RARB: variants seen among roughly 807,000 people sequenced by gnomAD.
RARB encodes the protein retinoic acid receptor beta.
In RARB, 17 loss-of-function variants were observed where a neutral mutation model predicts 51.9. The ratio of observed to expected loss-of-function variants is 0.33; its 90% CI spans 0.22 to 0.49. The LOEUF (loss-of-function observed/expected upper bound fraction) is 0.49, where lower values mean the gene tolerates loss of function less well. Among genes scored for constraint, RARB ranks in the 20% least tolerant of loss-of-function variants. RARB has a pLI of 0.99. For missense variants in RARB, 369 were observed against 550.8 expected (o/e 0.67, Z 3.30); for synonymous variants, 215 against 195.4 (o/e 1.10, Z -0.84).
At chr3:25,585,789 G>C (rs1418728835) in intron 5 of RARB, among the ~76,000 whole-genome samples, 6 of 152,164 alleles carry the variant, frequency 3.9e-5, no homozygotes, top group Non-Finnish European at 5.9e-5. Context: ...GGGACTGATT[G>C]TATTTGTCAA....
At chr3:25,432,224 T>C (rs1708238986) in intron 1 of RARB, among the ~76,000 whole-genome samples, 1 of 152,146 alleles carries the variant, frequency 6.6e-6, no homozygotes, top group Non-Finnish European at 1.5e-5. Flanking sequence ...AGAAATCATA[T>C]TGTGAATATT....
chr3:25,448,754 A>G (rs1480479485), intron 1 of RARB, among the ~76,000 whole-genome samples: 1 of 152,216 alleles, frequency 6.6e-6, no homozygotes, highest in African/African-American at 2.4e-5. Context: ...GGCGTGAGCC[A>G]CCGTGCCCGG....
rs11417502 is a variant in RARB at position 24,879,484 on chromosome 3, ATTTTTT to A, written c.-380+20746_-380+20751del. ...TTGAGTTCCAGCAGAAAGGATCTCCATTTTTTTTTTTTTTTTTTTCTTAACCTGGGA... is the reference window on the plus strand; with the variant it reads ...TTGAGTTCCAGCAGAAAGGATCTCCATTTTTTTTTTTTTCTTAACCTGGGA... On this transcript the variant is annotated intron_variant, in intron 2 of 11. Transcript: ENST00000383772. Among the ~76,000 whole-genome samples the A allele has an allele frequency of 1.6e-4, 19 of 121,456 alleles. No homozygotes were observed. In the South Asian group the frequency reaches 2.7e-3, roughly 17 times the overall value. The allele number at this position is 121,456 out of a possible 152,430, so 79.7% of individuals were successfully genotyped here.
chr3:25,107,200 C>T (rs1699523284), intron 3 of RARB, among the ~76,000 whole-genome samples: 1 of 152,114 alleles, frequency 6.6e-6, no homozygotes, highest in South Asian at 2.1e-4. Flanking sequence ...TGCACCCAGC[C>T]CCTTCTGCCT....
intron 2 of RARB, among the ~76,000 whole-genome samples, chr3:24,867,279 A>G (rs541615186): frequency 6.6e-6 from 1 of 152,232 alleles, no homozygotes; most frequent in African/African-American, 2.4e-5. Context: ...ACTATAAACT[A>G]AATATCTCCC....
intron 5 of RARB, among the ~76,000 whole-genome samples, chr3:25,335,493 C>G (rs1008516613): frequency 1.3e-5 from 2 of 152,204 alleles, no homozygotes; most frequent in African/African-American, 4.8e-5. Flanking sequence ...GCTTCTGTCT[C>G]CTGCCTTGTG....
intron 2 of RARB, among the ~76,000 whole-genome samples, chr3:24,863,910 C>T (rs1322552465): frequency 6.6e-6 from 1 of 151,984 alleles, no homozygotes; most frequent in African/African-American, 2.4e-5. Context: ...TGGAGGCATA[C>T]CTTCTCCTGT....
intron 3 of RARB, among the ~76,000 whole-genome samples, chr3:25,110,466 T>A (rs1699583367): frequency 1.3e-5 from 2 of 152,206 alleles, no homozygotes; most frequent in Admixed American, 6.5e-5. Context: ...TTAATTACTT[T>A]TTCCTGCATT....
chr3:24,910,254 A>C (rs1694963784), intron 2 of RARB, among the ~76,000 whole-genome samples: 1 of 152,282 alleles, frequency 6.6e-6, no homozygotes, highest in Middle Eastern at 3.4e-3. Context: ...TGGCAAAAAA[A>C]CGTTGAATTG....
chr3:25,238,136 C>T (rs895773050), intron 5 of RARB, among the ~76,000 whole-genome samples: 1 of 150,428 alleles, frequency 6.6e-6, no homozygotes, highest in African/African-American at 2.4e-5. Context: ...ACCAACCTGT[C>T]TTCATCCTCC....
chr3:25,196,878 G>T (rs897301872), intron 5 of RARB, among the ~76,000 whole-genome samples: 3 of 152,116 alleles, frequency 2.0e-5, no homozygotes, highest in African/African-American at 4.8e-5. Context: ...CTTTTGAGAA[G>T]TGTTGGTTCA....
At chr3:25,575,834 C>G (rs1559475267) in intron 4 of RARB, among the ~76,000 whole-genome samples, 1 of 152,162 alleles carries the variant, frequency 6.6e-6, no homozygotes, top group Non-Finnish European at 1.5e-5. Flanking sequence ...TTTTGAGGAA[C>G]ACAGTTTAAC....
chr3:24,871,781 T>C (rs777951585), intron 2 of RARB, among the ~76,000 whole-genome samples: 2 of 152,226 alleles, frequency 1.3e-5, no homozygotes, highest in Non-Finnish European at 2.9e-5. Flanking sequence ...TCTCAGTTTC[T>C]GTTATTGGTG....
chr3:24,833,439 A>G (rs1702306363), intron 1 of RARB, among the ~76,000 whole-genome samples: 1 of 152,110 alleles, frequency 6.6e-6, no homozygotes, highest in Admixed American at 6.5e-5. Flanking sequence ...TTTAGGTAAT[A>G]TCTTTCATTC....
chr3:25,128,264 G>A (rs1423744721), intron 3 of RARB, among the ~76,000 whole-genome samples: 2 of 152,110 alleles, frequency 1.3e-5, no homozygotes, highest in East Asian at 1.9e-4. Flanking sequence ...ATCTGACTCT[G>A]CAAAAGCATC....
chr3:25,138,635 T>A (rs746020105), intron 4 of RARB, among the ~76,000 whole-genome samples: 3 of 152,144 alleles, frequency 2.0e-5, no homozygotes, highest in Non-Finnish European at 4.4e-5. Flanking sequence ...AGATTATGTT[T>A]ATTACAGTTA....
chr3:25,099,633 A>T (rs559283483), intron 3 of RARB, among the ~76,000 whole-genome samples: 1 of 151,260 alleles, frequency 6.6e-6, no homozygotes, highest in Non-Finnish European at 1.5e-5. Flanking sequence ...AAAAAAAAAA[A>T]AACTTTCATT....
At chr3:25,448,229 A>G (rs1231649780) in intron 1 of RARB, among the ~76,000 whole-genome samples, 2 of 152,130 alleles carry the variant, frequency 1.3e-5, no homozygotes, top group Non-Finnish European at 2.9e-5. Context: ...AGTTTCGGGA[A>G]TATCAAAAAA....
rs1008638522 is a variant in RARB, at chr3:25,459,120, A to G, written c.158-2073A>G. On this transcript the variant is annotated intron_variant, in intron 1 of 7. Coordinates refer to ENST00000330688, the MANE Select transcript of RARB (RefSeq NM_000965.5). ...ATATACAAACATCTAAAATTTGAAC[A>G]CTGGTTAGGGTTTTATGGAAATAAA... Among the ~76,000 whole-genome samples the G allele has an allele frequency of 2.6e-5, 4 of 152,202 alleles. 1 individual carries two copies. The highest frequency in any genetic ancestry group is 9.7e-5 in the African/African-American group (4 of 41,448).
Sources: allele counts gnomAD v4.1 joint callset (sites outside exome capture counted in the v4.1 genomes callset), GRCh38; gene constraint gnomAD v4.1.1; transcripts MANE v1.5; gene names NCBI Gene and HGNC (gene_info 2026-07-23, HGNC 2026-07-21).